DHRSX: variants seen among roughly 807,000 people sequenced by gnomAD.
DHRSX encodes dehydrogenase/reductase X-linked.
In DHRSX, 31 loss-of-function variants were observed where a neutral mutation model predicts 34.0. The observed-to-expected ratio is 0.91, with a 90% CI of 0.69 to 1.23. DHRSX has a LOEUF of 1.23. DHRSX is among the 50% of genes most tolerant of loss of function. The probability of loss-of-function intolerance (pLI) is 0.00; values close to 1 mark genes in which losing one functional copy is unlikely to be tolerated. For synonymous variants in DHRSX, 201 were observed against 183.8 expected (o/e 1.09, Z -0.76); for missense variants, 414 against 428.1 (o/e 0.97, Z 0.29).
chrX:2,433,983 T>C (rs2043961813), intron 1 of DHRSX, among the ~76,000 whole-genome samples: 1 of 151,962 alleles, frequency 6.6e-6, no homozygotes, highest in African/African-American at 2.4e-5. Context: ...TTTCACTGTG[T>C]TAGCCAGGAT....
At chrX:2,379,728 G>A (rs1047324811) in intron 3 of DHRSX, among the ~76,000 whole-genome samples, 2 of 151,032 alleles carry the variant, frequency 1.3e-5, no homozygotes, top group Admixed American at 6.6e-5. Context: ...ACACATTAAG[G>A]CCAGATTCCT....
intron 1 of DHRSX, among the ~76,000 whole-genome samples, chrX:2,436,397 G>A (rs2043991175): frequency 6.6e-6 from 1 of 151,234 alleles, no homozygotes; most frequent in South Asian, 2.1e-4. Context: ...TTGAGTTTTT[G>A]TTGTTTTATC....
intron 2 of DHRSX, among the ~76,000 whole-genome samples, chrX:2,423,367 C>T (rs1157125920): frequency 3.3e-5 from 5 of 151,762 alleles, no homozygotes; most frequent in African/African-American, 1.2e-4. Context: ...GAGCCGAGGT[C>T]GTGTCACTGC....
chrX:2,440,717 G>A (rs997891358), intron 1 of DHRSX, among the ~76,000 whole-genome samples: 3 of 151,938 alleles, frequency 2.0e-5, no homozygotes, highest in Non-Finnish European at 4.4e-5. Context: ...CTGGACCTTC[G>A]ACCACAGACT....
intron 6 of DHRSX, 124 bp from the exon 7 acceptor site, chrX:2,221,353 T>C (rs2124388393): frequency 2.9e-6 from 3 of 1,033,806 alleles, no homozygotes; most frequent in Non-Finnish European, 4.2e-6. Flanking sequence ...CTGAGAAATG[T>C]ATGCAAAAAG....
intron 3 of DHRSX, among the ~76,000 whole-genome samples, chrX:2,396,375 CTTTTTTT>C (rs1204243041): frequency 1.0e-5 from 1 of 99,224 alleles, no homozygotes; most frequent in African/African-American, 3.9e-5. Flanking sequence ...CTTTCTTTTT[CTTTTTTT>C]TTTTTTTTTT....
intron 3 of DHRSX, among the ~76,000 whole-genome samples, chrX:2,374,038 G>A (rs1390190533): frequency 6.6e-6 from 1 of 152,170 alleles, no homozygotes; most frequent in Admixed American, 6.5e-5. Flanking sequence ...AAAGACCTCT[G>A]CACCTGCACA....
intron 2 of DHRSX, among the ~76,000 whole-genome samples, chrX:2,424,555 G>A (rs1423165571): frequency 6.6e-6 from 1 of 152,036 alleles, no homozygotes; most frequent in Non-Finnish European, 1.5e-5. Context: ...ATAAATTTTG[G>A]CTTTTTAAGC....
intron 3 of DHRSX, among the ~76,000 whole-genome samples, chrX:2,364,955 T>C (rs185986773): frequency 1.3e-5 from 2 of 152,312 alleles, no homozygotes; most frequent in Non-Finnish European, 2.9e-5. Context: ...CCATCATCTA[T>C]CTATATCACA....
chrX:2,257,347 G>A (rs770959315), intron 5 of DHRSX, among the ~76,000 whole-genome samples: 7 of 152,336 alleles, frequency 4.6e-5, no homozygotes, highest in East Asian at 3.9e-4. Flanking sequence ...AGCTAACCAC[G>A]GAAGCTGAAG....
intron 1 of DHRSX, among the ~76,000 whole-genome samples, chrX:2,494,990 A>G (rs1201061639): frequency 6.6e-6 from 1 of 151,748 alleles, no homozygotes; most frequent in Non-Finnish European, 1.5e-5. Flanking sequence ...TACTGTTATT[A>G]TTATTACTGG....
At chrX:2,484,929 C>T (rs2044847117) in intron 1 of DHRSX, among the ~76,000 whole-genome samples, 1 of 152,066 alleles carries the variant, frequency 6.6e-6, no homozygotes. Context: ...CAACCGGCTC[C>T]TTCCCACCAG....
intron 3 of DHRSX, among the ~76,000 whole-genome samples, chrX:2,314,260 GAATGA>G (rs1433811363): frequency 1.1e-4 from 6 of 53,376 alleles, no homozygotes; most frequent in Non-Finnish European, 1.1e-4. Context: ...GGGAAGGAGG[GAATGA>G]AGGAGGGAAT....
chrX:2,483,255 T>TTTATTATTA (rs762011804), intron 1 of DHRSX, among the ~76,000 whole-genome samples: 3 of 151,200 alleles, frequency 2.0e-5, no homozygotes, highest in African/African-American at 2.4e-5. Flanking sequence ...TTGGCTAATT[T>TTTATTATTA]TTATTATTAT....
intron 1 of DHRSX, among the ~76,000 whole-genome samples, chrX:2,480,905 TTAA>T (rs1055725022): frequency 1.3e-5 from 2 of 152,194 alleles, no homozygotes; most frequent in African/African-American, 4.8e-5. Context: ...GTGATTATCA[TTAA>T]TAATAATACA....
chrX:2,471,564 CA>C (rs772245590), intron 1 of DHRSX, among the ~76,000 whole-genome samples: 4,294 of 125,866 alleles, frequency 0.034, 78 homozygotes, highest in Admixed American at 0.065. Context: ...AACTCCATCT[CA>C]AAAAAAAAAA....
intron 3 of DHRSX, among the ~76,000 whole-genome samples, chrX:2,387,093 T>C (rs1418035948): frequency 6.6e-6 from 1 of 152,202 alleles, no homozygotes; most frequent in Non-Finnish European, 1.5e-5. Context: ...ACAGCTTCCA[T>C]TTCCATGGAT....
chrX:2,434,393 G>A (rs1239968837), intron 1 of DHRSX, among the ~76,000 whole-genome samples: 1 of 152,204 alleles, frequency 6.6e-6, no homozygotes, highest in Non-Finnish European at 1.5e-5. Flanking sequence ...AGGCAGCCAG[G>A]CCTGGTAGCT....
chrX:2,481,992 G>A lies in DHRSX; in HGVS notation c.109+18825C>T, dbSNP rs757828740. 1.9e-3 allele frequency among the ~76,000 whole-genome samples: 295 copies of A among 151,790 alleles called. 4 individuals carry two copies. The highest frequency in any genetic ancestry group is 1.5e-3 in the Non-Finnish European group (105 of 67,936). ...TAAATTTATTTTGGTTGAGACAGTCGCCCAGGCTATTGCCCAGCCTGGAGT... is the reference window on the plus strand; with the variant it reads ...TAAATTTATTTTGGTTGAGACAGTCACCCAGGCTATTGCCCAGCCTGGAGT... On this transcript the variant is annotated intron_variant, in intron 1 of 6. Transcript: ENST00000334651.
Sources: gnomAD v4.1 joint callset for allele counts (sites outside exome capture counted in the v4.1 genomes callset) on GRCh38, gnomAD v4.1.1 for gene constraint, MANE v1.5 for transcripts, NCBI Gene and HGNC (gene_info 2026-07-23, HGNC 2026-07-21) for gene names.